The following TEX14 variants were observed in gnomAD, a reference collection of about 807,000 sequenced individuals.
TEX14 encodes the protein testis expressed 14, intercellular bridge forming factor.
In TEX14, 168 loss-of-function variants were observed where a neutral mutation model predicts 178.6. The ratio of observed to expected loss-of-function variants is 0.94; its 90% CI spans 0.83 to 1.07. The LOEUF is 1.07. Ranked by LOEUF, TEX14 falls within the 50% of genes least tolerant of loss-of-function variation. The probability of loss-of-function intolerance (pLI) is 0.00; values close to 1 mark genes in which losing one functional copy is unlikely to be tolerated. For synonymous variants in TEX14, 626 were observed against 634.1 expected, an observed-to-expected ratio of 0.99 and a Z score of 0.19; for missense variants, 1,730 against 1,753.6, an observed-to-expected ratio of 0.99 and a Z score of 0.24.
chr17:58,563,848 A>C (rs771023476), intron 28 of TEX14, among the ~76,000 whole-genome samples: 1 of 150,348 alleles, frequency 6.7e-6, no homozygotes. Context: ...ACGGCAAAGA[A>C]CTCAGACATT....
At position 58,668,042 on chromosome 17, in the gene TEX14, A is replaced by G. The variant is rs555653625; in HGVS notation, c.-1-16040T>C. Among the ~76,000 whole-genome samples the G allele has an allele frequency of 1.1e-4, 17 of 152,152 alleles. No individual in the cohort carries two copies. The South Asian group carries it at 2.9e-3, about 26-fold the overall frequency. ...GCTAAGTCAATTTAGCTGAAACCCA[A>G]ATTCTCCAAATCTGATCAGGTTCCT... On this transcript the variant is annotated intron_variant, in intron 1 of 31. Coordinates refer to ENST00000349033, the MANE Select transcript of TEX14 (RefSeq NM_031272.5).
rs115318789 is a variant in TEX14, at chr17:58,599,401, T to G, written c.1944A>C (p.Ala648=). ...GTTCATCTACCTGGTTAGGTCCGTCTGCCTCCAAAGATGAAGCAGCTCCTG... is the reference window on the plus strand; with the variant it reads ...GTTCATCTACCTGGTTAGGTCCGTCGGCCTCCAAAGATGAAGCAGCTCCTG... ...EPPGAASSLE[A]DGPNQVDELK... Residue 648 remains alanine, a synonymous_variant, in exon 14 of 32, where the codon GCA becomes GCC. Coordinates refer to ENST00000349033, the MANE Select transcript of TEX14 (RefSeq NM_031272.5). The G allele has an allele frequency of 2.3e-4, 370 of 1,614,232 alleles. 1 individual carries two copies. The African/African-American group carries it at 3.9e-3, about 17-fold the overall frequency.
At chr17:58,646,890 T>C (rs997299983) in intron 2 of TEX14, among the ~76,000 whole-genome samples, 6 of 151,932 alleles carry the variant, frequency 3.9e-5, no homozygotes, top group Non-Finnish European at 7.4e-5. Flanking sequence ...AGGAGACAAC[T>C]TTCCCCTCAA....
intron 1 of TEX14, among the ~76,000 whole-genome samples, chr17:58,671,463 G>A (rs541392007): frequency 6.6e-6 from 1 of 152,242 alleles, no homozygotes; most frequent in Non-Finnish European, 1.5e-5. Flanking sequence ...TTCTCTTGGG[G>A]AGGGGGCATT....
At chr17:58,587,350 G>T (rs938500133) in intron 17 of TEX14, among the ~76,000 whole-genome samples, 3 of 151,738 alleles carry the variant, frequency 2.0e-5, no homozygotes, top group Non-Finnish European at 4.4e-5. Flanking sequence ...TTATATATTA[G>T]AAATATTTCC....
rs890730099 is a variant in TEX14 at position 58,601,849 on chromosome 17, G to A, written c.1635C>T (p.Pro545=). 12 of 1,613,054 alleles carry A rather than the reference G, an allele frequency of 7.4e-6. No homozygotes were observed. The highest frequency in any genetic ancestry group is 1.0e-5 in the Non-Finnish European group (12 of 1,179,880). Reference sequence around the variant, plus strand: ...TGATTTCCATGTCAGGTGTCTCTCTGGGGTGTTCTGAAGTCAGTCCTAGAT... The same window carrying A: ...TGATTTCCATGTCAGGTGTCTCTCTAGGGTGTTCTGAAGTCAGTCCTAGAT... ...NVYLGLTSEH[P]RETPDMEIIE... is the part of the protein sequence containing the mutation. Residue 545 remains proline, a synonymous_variant, in exon 13 of 32, where the codon CCC becomes CCT. Coordinates refer to ENST00000349033, the MANE Select transcript of TEX14 (RefSeq NM_031272.5).
chr17:58,658,049 G>A (rs1318755268), intron 1 of TEX14, among the ~76,000 whole-genome samples: 4 of 152,230 alleles, frequency 2.6e-5, no homozygotes, highest in Admixed American at 2.6e-4. Context: ...AGCACAAGAA[G>A]ACAGCTTTGA....
chr17:58,603,281 G>A (rs7209498), intron 11 of TEX14, among the ~76,000 whole-genome samples: 22,139 of 151,388 alleles, frequency 0.15, 2,491 homozygotes, highest in East Asian at 0.31. Flanking sequence ...TTGGCCGGGC[G>A]TGGTGGCTCA....
rs1201042642 is a variant in TEX14, at chr17:58,616,067, G to A, written c.767+108C>T. 4.0e-6 allele frequency: 5 copies of A among 1,253,552 alleles called. No homozygotes were observed. The East Asian group carries it at 1.2e-4, about 30-fold the overall frequency. 77.7% of individuals were successfully genotyped at this position (1,253,552 alleles called of 1,614,324 possible). Reference sequence around the variant, plus strand: ...ACCCTGATTTAGACAGATGTTCTTAGGTGTTCCCTGTGTTTGAGTAGAAAC... The same window carrying A: ...ACCCTGATTTAGACAGATGTTCTTAAGTGTTCCCTGTGTTTGAGTAGAAAC... On this transcript the variant is annotated intron_variant, in intron 7 of 31. Transcript: ENST00000349033.
chr17:58,611,365 G>C, intron 9 of TEX14, 26 bp from the exon 10 acceptor site: 1 of 1,336,310 alleles, frequency 7.5e-7, no homozygotes, highest in Non-Finnish European at 1.0e-6. Flanking sequence ...GAAATGCCAC[G>C]AAAAAAAAAA....
At chr17:58,595,718 C>G (rs302840) in intron 14 of TEX14, among the ~76,000 whole-genome samples, 96,679 of 151,930 alleles carry the variant, frequency 0.64, 31,126 homozygotes, top group African/African-American at 0.71. Context: ...CTGCAAACAA[C>G]TGAGTGATGC....
intron 1 of TEX14, chr17:58,661,463 T>G: frequency 1.3e-6 from 1 of 783,130 alleles, no homozygotes; most frequent in South Asian, 1.3e-5. Context: ...GTCGAGGCCC[T>G]TGAACACCTT....
chr17:58,644,624 G>A (rs1238050141), intron 2 of TEX14, among the ~76,000 whole-genome samples: 6 of 133,498 alleles, frequency 4.5e-5, no homozygotes, highest in African/African-American at 8.4e-5. Flanking sequence ...ATAGGTGTAA[G>A]CCACCGCACC....
intron 22 of TEX14, among the ~76,000 whole-genome samples, chr17:58,573,587 C>T (rs181831300): frequency 1.3e-5 from 2 of 152,216 alleles, no homozygotes; most frequent in Admixed American, 1.3e-4. Context: ...GGCATGATCT[C>T]GGCTCACTGC....
At chr17:58,661,328 G>C (rs752972209) in intron 1 of TEX14, 18 of 876,870 alleles carry the variant, frequency 2.1e-5, no homozygotes, top group Middle Eastern at 4.3e-4. Context: ...TTGTTTCATG[G>C]TGAGGGCTCC....
chr17:58,665,897 A>T (rs1015245888), intron 1 of TEX14, among the ~76,000 whole-genome samples: 1 of 151,696 alleles, frequency 6.6e-6, no homozygotes, highest in African/African-American at 2.4e-5. Flanking sequence ...AATACAAAAA[A>T]CTAGCCACGC....
chr17:58,626,368 C>T (rs2046140966), intron 3 of TEX14, among the ~76,000 whole-genome samples: 2 of 151,338 alleles, frequency 1.3e-5, no homozygotes, highest in South Asian at 4.2e-4. Flanking sequence ...GAGTTCGAGA[C>T]CAGCTTAGCC....
chr17:58,557,095 A>T (rs1033399462), intron 31 of TEX14, 48 bp from the exon 32 acceptor site: 16 of 1,499,728 alleles, frequency 1.1e-5, no homozygotes, highest in Non-Finnish European at 1.5e-5. Flanking sequence ...TCGAGTTGGT[A>T]TGTGTGTTTT....
chr17:58,673,833 C>T (rs1567770999), intron 1 of TEX14, among the ~76,000 whole-genome samples: 1 of 152,224 alleles, frequency 6.6e-6, no homozygotes, highest in South Asian at 2.1e-4. Context: ...CTCCCAAAGT[C>T]CTGGGATTAT....
Sources: gnomAD v4.1 joint callset for allele counts (sites outside exome capture counted in the v4.1 genomes callset) on GRCh38, gnomAD v4.1.1 for gene constraint, MANE v1.5 for transcripts, NCBI Gene and HGNC (gene_info 2026-07-23, HGNC 2026-07-21) for gene names.